The following ZMIZ1 variants were observed in gnomAD, a reference collection of about 807,000 sequenced individuals.
ZMIZ1 encodes zinc finger MIZ-type containing 1, also known as zinc finger MIZ domain-containing protein 1.
In ZMIZ1, 17 loss-of-function variants were observed where a neutral mutation model predicts 113.9. The ratio of observed to expected loss-of-function variants is 0.15; its 90% CI spans 0.10 to 0.22. ZMIZ1 has a LOEUF of 0.22. Among genes scored for constraint, ZMIZ1 ranks in the 10% least tolerant of loss-of-function variants. The pLI, the probability that ZMIZ1 is intolerant of heterozygous loss-of-function variation, is 1.00. For synonymous variants in ZMIZ1, 607 were observed against 603.1 expected (o/e 1.01, Z -0.09); for missense variants, 1,059 against 1,477.8 (o/e 0.72, Z 4.65).
At chr10:79,092,948 C>T (rs896261713) in intron 1 of ZMIZ1, among the ~76,000 whole-genome samples, 2 of 151,842 alleles carry the variant, frequency 1.3e-5, no homozygotes, top group Non-Finnish European at 1.5e-5. Context: ...GCAGCACCCC[C>T]AAAGCCGTTT....
intron 3 of ZMIZ1, among the ~76,000 whole-genome samples, chr10:79,143,986 A>T (rs1845378797): frequency 6.6e-6 from 1 of 152,092 alleles, no homozygotes. Context: ...TCAGGGGGAG[A>T]TGCCCCTCCA....
chr10:79,295,568 A>G (rs991807492), intron 12 of ZMIZ1: 1 of 152,234 alleles, frequency 6.6e-6, no homozygotes, highest in African/African-American at 2.4e-5. Flanking sequence ...TACGTCTTCT[A>G]TACCTCCTGT....
intron 7 of ZMIZ1, among the ~76,000 whole-genome samples, chr10:79,267,242 G>C (rs1251606583): frequency 1.3e-5 from 2 of 152,224 alleles, no homozygotes; most frequent in South Asian, 2.1e-4. Context: ...AGGGGGCACT[G>C]TCTGCCCCAG....
intron 8 of ZMIZ1, among the ~76,000 whole-genome samples, chr10:79,285,802 C>G (rs1853039936): frequency 6.6e-6 from 1 of 152,210 alleles, no homozygotes; most frequent in Non-Finnish European, 1.5e-5. Context: ...TGCGAAGAGC[C>G]AGTGGAGTTC....
chr10:79,144,157 C>T (rs1845388670), intron 3 of ZMIZ1, among the ~76,000 whole-genome samples: 1 of 152,166 alleles, frequency 6.6e-6, no homozygotes, highest in African/African-American at 2.4e-5. Context: ...AAGCCTGTCC[C>T]TATCCATTCT....
intron 14 of ZMIZ1, 33 bp downstream of exon 14, chr10:79,297,723 C>T: frequency 1.9e-6 from 3 of 1,594,050 alleles, no homozygotes; most frequent in Non-Finnish European, 2.6e-6. Context: ...AATTCTAAGC[C>T]ACAGGGAGTT....
intron 2 of ZMIZ1, among the ~76,000 whole-genome samples, chr10:79,132,257 G>A (rs1844802896): frequency 6.6e-6 from 1 of 152,204 alleles, no homozygotes. Context: ...GGGAAGGGCT[G>A]CTTGTCCACT....
At chr10:79,246,792 C>A (rs1312050726) in intron 7 of ZMIZ1, among the ~76,000 whole-genome samples, 1 of 152,170 alleles carries the variant, frequency 6.6e-6, no homozygotes, top group Non-Finnish European at 1.5e-5. Flanking sequence ...CGAAGCACTT[C>A]CAGCTTCCCA....
chr10:79,276,697 C>A (rs145275592), intron 7 of ZMIZ1, among the ~76,000 whole-genome samples: 1 of 152,294 alleles, frequency 6.6e-6, no homozygotes, highest in East Asian at 1.9e-4. Flanking sequence ...TTGTTCAAAC[C>A]TTGTGATGTT....
intron 18 of ZMIZ1, among the ~76,000 whole-genome samples, chr10:79,303,752 C>T (rs1264370460): frequency 2.0e-5 from 3 of 152,246 alleles, no homozygotes; most frequent in Non-Finnish European, 4.4e-5. Flanking sequence ...GCAGGGCCTG[C>T]TCTGCAGAGA....
chr10:79,233,013 C>T (rs11002882), intron 7 of ZMIZ1, among the ~76,000 whole-genome samples: 5,667 of 152,344 alleles, frequency 0.037, 143 homozygotes, highest in Non-Finnish European at 0.061. Flanking sequence ...CTTCCAGCCA[C>T]GCCCCCGACA....
chr10:79,248,804 G>A (rs183091028), intron 7 of ZMIZ1, among the ~76,000 whole-genome samples: 3 of 152,262 alleles, frequency 2.0e-5, no homozygotes, highest in African/African-American at 4.8e-5. Flanking sequence ...TTCTAGCCAG[G>A]CCCAGGAGGC....
At chr10:79,185,188 C>A (rs1847301657) in intron 4 of ZMIZ1, among the ~76,000 whole-genome samples, 2 of 152,176 alleles carry the variant, frequency 1.3e-5, no homozygotes, top group South Asian at 4.1e-4. Context: ...GCCAGGGAAA[C>A]CGGTGTGTTC....
intron 2 of ZMIZ1, among the ~76,000 whole-genome samples, chr10:79,134,615 A>G (rs191047003): frequency 6.6e-6 from 1 of 152,094 alleles, no homozygotes; most frequent in Non-Finnish European, 1.5e-5. Context: ...CTTTCTCCCA[A>G]CCTGGATTGA....
intron 7 of ZMIZ1, among the ~76,000 whole-genome samples, chr10:79,252,906 A>G (rs751254550): frequency 1.2e-4 from 18 of 152,236 alleles, no homozygotes; most frequent in Non-Finnish European, 2.4e-4. Flanking sequence ...AGCTCGCTCA[A>G]GTTTGTATGG....
intron 4 of ZMIZ1, among the ~76,000 whole-genome samples, chr10:79,175,633 G>T (rs1282914122): frequency 0.02 from 1,473 of 72,516 alleles, 29 homozygotes; most frequent in East Asian, 0.076. Flanking sequence ...TGTGTGTGGA[G>T]GTTTTTACAG....
At chr10:79,111,061 C>T (rs55932442) in intron 1 of ZMIZ1, among the ~76,000 whole-genome samples, 1,570 of 152,348 alleles carry the variant, frequency 0.01, 10 homozygotes, top group Non-Finnish European at 0.017. Flanking sequence ...CCTGGGCTGA[C>T]CACCACCGGG....
intron 1 of ZMIZ1, among the ~76,000 whole-genome samples, chr10:79,111,510 G>A (rs74320590): frequency 0.016 from 2,477 of 152,342 alleles, 71 homozygotes; most frequent in African/African-American, 0.055. Flanking sequence ...TAGTGGCTGT[G>A]GGGTGAAGCA....
chr10:79,159,898 G>T (rs1846039250), intron 3 of ZMIZ1, among the ~76,000 whole-genome samples: 1 of 152,190 alleles, frequency 6.6e-6, no homozygotes, highest in South Asian at 2.1e-4. Flanking sequence ...GGGCAGTGAG[G>T]TACGTGTGTG....
Sources: gnomAD v4.1 joint callset for allele counts (sites outside exome capture counted in the v4.1 genomes callset) on GRCh38, gnomAD v4.1.1 for gene constraint, MANE v1.5 for transcripts, NCBI Gene and HGNC (gene_info 2026-07-23, HGNC 2026-07-21) for gene names.